The following TRPV3 variants were observed in gnomAD, a reference collection of about 807,000 sequenced individuals.
TRPV3 encodes the protein VRL-3.
In TRPV3, 88 loss-of-function variants were observed where a neutral mutation model predicts 87.1. The observed-to-expected ratio is 1.01, with a 90% CI of 0.85 to 1.21. The LOEUF (loss-of-function observed/expected upper bound fraction) is 1.21, where lower values mean the gene tolerates loss of function less well. Ranked by LOEUF, TRPV3 falls within the 50% of genes most tolerant of loss-of-function variation. The pLI is 0.00. For synonymous variants in TRPV3, 438 were observed against 423.3 expected, an observed-to-expected ratio of 1.03 and a Z score of -0.43; for missense variants, 1,054 against 1,030.1, an observed-to-expected ratio of 1.02 and a Z score of -0.32.
At chr17:3,525,119 A>C (rs908786023) in intron 12 of TRPV3, among the ~76,000 whole-genome samples, 3 of 152,124 alleles carry the variant, frequency 2.0e-5, no homozygotes, top group Admixed American at 6.5e-5. Context: ...TCCCAGGCTC[A>C]AGTGATTCTC....
chr17:3,537,307 A>C (rs540108014), intron 6 of TRPV3, among the ~76,000 whole-genome samples: 20 of 152,338 alleles, frequency 1.3e-4, no homozygotes, highest in African/African-American at 4.3e-4. Context: ...CAGTTAATCA[A>C]ACAAAGCAAC....
intron 4 of TRPV3, 27 bp downstream of exon 4, chr17:3,544,552 T>G: frequency 1.4e-6 from 2 of 1,468,720 alleles, no homozygotes; most frequent in Non-Finnish European, 1.9e-6. Context: ...GTGGGCACAG[T>G]GGGTGGAGGG....
chr17:3,539,934 G>A (rs1458517426), intron 6 of TRPV3, among the ~76,000 whole-genome samples: 1 of 151,980 alleles, frequency 6.6e-6, no homozygotes, highest in Non-Finnish European at 1.5e-5. Flanking sequence ...GAGGCTCAGA[G>A]AGGTGAGGCA....
chr17:3,548,667 C>G (rs367634467), intron 2 of TRPV3, among the ~76,000 whole-genome samples: 7 of 152,246 alleles, frequency 4.6e-5, no homozygotes, highest in Admixed American at 3.3e-4. Context: ...ACCTGCCTCA[C>G]CTGACAGTCT....
At chr17:3,542,407 TG>T in intron 6 of TRPV3, 114 bp downstream of exon 6, 1 of 1,194,206 alleles carries the variant, frequency 8.4e-7, no homozygotes, top group Non-Finnish European at 1.2e-6. Context: ...GCTACATGCT[TG>T]GGGCTCCTCA....
intron 4 of TRPV3, among the ~76,000 whole-genome samples, chr17:3,544,266 C>T (rs932948632): frequency 6.6e-6 from 1 of 152,262 alleles, no homozygotes; most frequent in Non-Finnish European, 1.5e-5. Flanking sequence ...CGCAGCCTCC[C>T]AAAGTGCTGG....
At chr17:3,551,564 G>A (rs1043906517) in intron 2 of TRPV3, among the ~76,000 whole-genome samples, 1 of 152,230 alleles carries the variant, frequency 6.6e-6, no homozygotes, top group African/African-American at 2.4e-5. Flanking sequence ...ACAGCCCAGG[G>A]CTGGGAAGGA....
rs1160804224 is a variant in TRPV3, at chr17:3,514,667, T to C, written c.2204A>G (p.Asn735Ser). Residue 735 changes from asparagine to serine, a missense_variant, in exon 17 of 18, where the codon AAT (asparagine) becomes AGT (serine). Coordinates refer to ENST00000576742, the MANE Select transcript of TRPV3 (RefSeq NM_145068.4). Reference sequence around the variant, plus strand: ...CTTCCATTCAGTCCACTTCACCTCATTGATCCTGCAAATGTGATAATCATT... The same window carrying C: ...CTTCCATTCAGTCCACTTCACCTCACTGATCCTGCAAATGTGATAATCATT... ...EDDFRLCLRI[N>S]EVKWTEWKTH... 3.7e-6 allele frequency: 6 copies of C among 1,612,748 alleles called. No individual in the cohort carries two copies. The highest frequency in any genetic ancestry group is 5.1e-6 in the Non-Finnish European group (6 of 1,178,870).
At chr17:3,520,272 G>A (rs1161043879) in intron 14 of TRPV3, among the ~76,000 whole-genome samples, 1 of 152,134 alleles carries the variant, frequency 6.6e-6, no homozygotes, top group Non-Finnish European at 1.5e-5. Context: ...TGTTGTAAAT[G>A]GAGAGATTTT....
chr17:3,540,209 A>G (rs968375204), intron 6 of TRPV3, among the ~76,000 whole-genome samples: 4 of 152,190 alleles, frequency 2.6e-5, no homozygotes, highest in Non-Finnish European at 4.4e-5. Context: ...GTGGACAATC[A>G]GAGTGGTCAC....
At position 3,517,748 on chromosome 17, in the gene TRPV3, C is replaced by G. The variant is rs574662033; in HGVS notation, c.2085+828G>C. ...CAGGACCACAGAAGGGATCTGCTCC[C>G]TCTTTCATAGGTTGTTCTGCAGATA... On this transcript the variant is annotated intron_variant, in intron 15 of 17. Coordinates refer to ENST00000576742, the MANE Select transcript of TRPV3 (RefSeq NM_145068.4). Among the ~76,000 whole-genome samples, 5 of 151,976 alleles carry G rather than the reference C, an allele frequency of 3.3e-5. No homozygotes were observed. The South Asian group carries it at 1.0e-3, about 32-fold the overall frequency.
At chr17:3,525,329 T>G (rs2074290023) in intron 12 of TRPV3, among the ~76,000 whole-genome samples, 1 of 152,046 alleles carries the variant, frequency 6.6e-6, no homozygotes, top group African/African-American at 2.4e-5. Flanking sequence ...ATTAAATCTT[T>G]TTAAAGTATG....
Position 3,543,480 on chromosome 17 carries a change from C to T in TRPV3, c.460G>A (p.Val154Met). 1.9e-6 allele frequency: 3 copies of T among 1,613,228 alleles called. No individual in the cohort carries two copies. The South Asian group carries it at 3.3e-5, about 18-fold the overall frequency. Residue 154 changes from valine to methionine, a missense_variant, in exon 5 of 18, where the codon GTG becomes ATG. Physicochemically the swap from Val to Met is conservative, Grantham distance 21. Coordinates refer to ENST00000576742, the MANE Select transcript of TRPV3 (RefSeq NM_145068.4). ...GCCAGGCTCAGACACTCACCAGGCA[C>T]ATCCTCATCATGGCGCCGCCTGCAA... ...ELCRRRHDEDVPDFLMHKLTA... is the reference protein window; with the variant it reads ...ELCRRRHDEDMPDFLMHKLTA...
chr17:3,527,818 G>A (rs2074313076), intron 11 of TRPV3: 2 of 576,228 alleles, frequency 3.5e-6, no homozygotes, highest in Middle Eastern at 4.6e-4. Context: ...GGATAGTTGG[G>A]CAGATGGATA....
Position 3,542,632 on chromosome 17 carries a change from T to A in TRPV3, c.533A>T (p.Asn178Ile). 1 of 1,614,012 alleles carries A rather than the reference T, an allele frequency of 6.2e-7. No individual in the cohort carries two copies. ...GKTCLMKALL[N>I]INPNTKEIVR... ...TATCTCCTTGGTGTTGGGGTTGATGTTTAACAAGGCCTTCATCAGGCAGGT... is the reference window on the plus strand; with the variant it reads ...TATCTCCTTGGTGTTGGGGTTGATGATTAACAAGGCCTTCATCAGGCAGGT... Residue 178 changes from asparagine (N) to isoleucine (I), a missense_variant, in exon 6 of 18, where the codon AAC becomes ATC. Physicochemically the swap from Asn to Ile is moderately radical, Grantham distance 149. Transcript: ENST00000576742.
chr17:3,530,281 G>A lies in TRPV3; in HGVS notation c.1066-78C>T. The A allele has an allele frequency of 6.8e-7, 1 of 1,467,428 alleles. No individual in the cohort carries two copies. Among genetic ancestry groups the A allele is most frequent in the South Asian group, 1.4e-5 (1 of 72,698 alleles). 90.9% of individuals were successfully genotyped at this position (1,467,428 alleles called of 1,614,324 possible). A position where few individuals can be genotyped will look rare whatever the true frequency, so the allele number is the denominator to read the frequency against. ...ACAGGGCTGGACCAGCCAGAGGCTG[G>A]CTGGGCCCAGGGGATACACCCGCCC... On this transcript the variant is annotated intron_variant, in intron 8 of 17. Transcript: ENST00000576742. This position sits in a 1 kb window ranked among gnomAD's most constrained non-coding sequence, Gnocchi z 4.0.
At chr17:3,515,375 A>C (rs2074169348) in intron 16 of TRPV3, among the ~76,000 whole-genome samples, 1 of 152,170 alleles carries the variant, frequency 6.6e-6, no homozygotes, top group African/African-American at 2.4e-5. Flanking sequence ...AAAGGTGTTC[A>C]TGGGGCCGGG....
Position 3,510,573 on chromosome 17 carries a change from C to T in TRPV3, c.*3344G>A, listed in dbSNP as rs534662273. On this transcript the variant is annotated 3_prime_UTR_variant, in exon 18 of 18. Coordinates refer to ENST00000576742, the MANE Select transcript of TRPV3 (RefSeq NM_145068.4). ...TCAATGGCACAAACATGTTCTTACTCTTTGTATGATTTCTTTCTTGAACAT... is the reference window on the plus strand; with the variant it reads ...TCAATGGCACAAACATGTTCTTACTTTTTGTATGATTTCTTTCTTGAACAT... 2 of 152,310 alleles carry T rather than the reference C, an allele frequency of 1.3e-5. No individual in the cohort carries two copies. The highest frequency in any genetic ancestry group is 4.1e-4 in the South Asian group (2 of 4,828). The allele number at this position is 152,310 out of a possible 1,614,324, so 9.4% of individuals were successfully genotyped here.
rs778853611 is a variant in TRPV3, at chr17:3,535,563, C to T, written c.784+10G>A. The T allele has an allele frequency of 1.3e-6, 2 of 1,582,782 alleles. No homozygotes were observed. Among genetic ancestry groups the T allele is most frequent in the South Asian group, 1.1e-5 (1 of 87,458 alleles). ...TCCCAGACTCCGCACCGGGCGGGGG[C>T]GGCACCCACCGAAGTAGAAGCCTTC... On this transcript the variant is annotated intron_variant, in intron 7 of 17. Coordinates refer to ENST00000576742, the MANE Select transcript of TRPV3 (RefSeq NM_145068.4).
Sources: allele counts gnomAD v4.1 joint callset (sites outside exome capture counted in the v4.1 genomes callset), GRCh38; gene constraint gnomAD v4.1.1; non-coding constraint Gnocchi (gnomAD v3.1); transcripts MANE v1.5; gene names NCBI Gene and HGNC (gene_info 2026-07-23, HGNC 2026-07-21).